CNBD1: variants seen among roughly 807,000 people sequenced by gnomAD.
CNBD1 encodes the protein cyclic nucleotide-binding domain-containing protein 1.
A neutral mutation model predicts 54.4 loss-of-function variants in CNBD1; 71 were observed. That is an observed-to-expected ratio of 1.30 (90% CI 1.08 to 1.59). The LOEUF (loss-of-function observed/expected upper bound fraction) is 1.59. Ranked by LOEUF, CNBD1 falls within the 40% of genes most tolerant of loss-of-function variation. CNBD1 has a pLI of 0.00. For synonymous variants in CNBD1, 182 were observed against 170.7 expected, an observed-to-expected ratio of 1.07 and a Z score of -0.51; for missense variants, 659 against 518.0, an observed-to-expected ratio of 1.27 and a Z score of -2.64.
chr8:87,421,341 G>T (rs1379618508), intron 2 of CNBD1, among the ~76,000 whole-genome samples: 1 of 150,858 alleles, frequency 6.6e-6, no homozygotes, highest in Admixed American at 6.6e-5. Flanking sequence ...AGTTACATAG[G>T]TATACATGTG....
intron 10 of CNBD1, among the ~76,000 whole-genome samples, chr8:87,372,372 GTATAC>G (rs972828903): frequency 6.6e-6 from 1 of 151,884 alleles, no homozygotes; most frequent in African/African-American, 2.4e-5. Flanking sequence ...GTTCTTAAAT[GTATAC>G]TTTGATGTTT....
At chr8:87,359,601 T>C (rs1370461111) in intron 10 of CNBD1, among the ~76,000 whole-genome samples, 1 of 152,164 alleles carries the variant, frequency 6.6e-6, no homozygotes, top group African/African-American at 2.4e-5. Flanking sequence ...AACAATGATA[T>C]TAATTTGCAT....
intron 6 of CNBD1, among the ~76,000 whole-genome samples, chr8:87,237,511 A>G (rs1807608464): frequency 6.6e-6 from 1 of 152,096 alleles, no homozygotes; most frequent in African/African-American, 2.4e-5. Flanking sequence ...TTGTCTCAAG[A>G]GCAATGCTAA....
intron 4 of CNBD1, among the ~76,000 whole-genome samples, chr8:87,090,017 C>A (rs570039978): frequency 2.0e-5 from 3 of 152,028 alleles, no homozygotes; most frequent in South Asian, 4.2e-4. Context: ...AAGAGTACAC[C>A]TTTATACCAT....
intron 8 of CNBD1, among the ~76,000 whole-genome samples, chr8:87,339,850 C>A (rs372612590): frequency 1.3e-5 from 2 of 152,074 alleles, no homozygotes; most frequent in African/African-American, 4.8e-5. Flanking sequence ...TATTTATTAA[C>A]GTATTTCTAT....
chr8:87,416,367 G>T (rs1807833672), intron 2 of CNBD1, among the ~76,000 whole-genome samples: 1 of 152,006 alleles, frequency 6.6e-6, no homozygotes, highest in African/African-American at 2.4e-5. Context: ...AGGCTTGCAG[G>T]AATCTGGAGA....
At chr8:87,097,661 C>T (rs1474403005) in intron 4 of CNBD1, among the ~76,000 whole-genome samples, 1 of 152,142 alleles carries the variant, frequency 6.6e-6, no homozygotes, top group Admixed American at 6.5e-5. Context: ...TTTTGTCATG[C>T]TGATTCCCTC....
At chr8:87,332,850 A>T (rs768132560) in intron 8 of CNBD1, among the ~76,000 whole-genome samples, 5 of 152,166 alleles carry the variant, frequency 3.3e-5, no homozygotes, top group Admixed American at 1.3e-4. Flanking sequence ...TGCCTTTGCT[A>T]TGCAGGCCGT....
At chr8:87,305,107 C>T (rs1482920591) in intron 8 of CNBD1, among the ~76,000 whole-genome samples, 1 of 151,940 alleles carries the variant, frequency 6.6e-6, no homozygotes, top group Non-Finnish European at 1.5e-5. Context: ...TTCTATACAC[C>T]AACAATGACT....
chr8:87,281,906 T>C lies in CNBD1; in HGVS notation c.772-2772T>C, dbSNP rs184908832. Among the ~76,000 whole-genome samples, 9 of 151,614 alleles carry C rather than the reference T, an allele frequency of 5.9e-5. No homozygotes were observed. In the East Asian group the frequency reaches 1.7e-3, roughly 29 times the overall value. ...TACAATTTTCTGTCTCCTACTGAGA[T>C]TGAGCAGGTTTCTTTTGTGTGTGAG... On this transcript the variant is annotated intron_variant, in intron 6 of 10. Transcript: ENST00000518476.
intron 10 of CNBD1, among the ~76,000 whole-genome samples, chr8:87,371,334 AT>A (rs1356167552): frequency 2.6e-5 from 4 of 151,984 alleles, no homozygotes; most frequent in Non-Finnish European, 1.5e-5. Flanking sequence ...GGCCATTTTC[AT>A]GATATTGATT....
In CNBD1 at chr8:87,375,686, A is replaced by T. The variant is rs536128786; in HGVS notation, c.1304-6934A>T. On this transcript the variant is annotated intron_variant, in intron 10 of 10. Transcript: ENST00000518476. The stretch of plus-strand genomic sequence containing the variant: ...AATGAAATTCATTATGTCTTGCAAG[A>T]CAAAACTTCCATCTCTTATTTTTAA... Among the ~76,000 whole-genome samples, 12 of 152,018 alleles carry T rather than the reference A, an allele frequency of 7.9e-5. No individual in the cohort carries two copies. In the South Asian group the frequency reaches 2.5e-3, roughly 31 times the overall value.
rs1563482951 is a variant in CNBD1, at chr8:87,137,127, ATATATAAATTATATATATATTTTTATTC to A, written c.432-68847_432-68820del. On this transcript the variant is annotated intron_variant, in intron 4 of 10. Transcript: ENST00000518476. ...AAATTATATATATTATATTTTTATT[ATATATAAATTATATATATATTTTTATTC>A]TATATAAATTATATATATTATATTT... Among the ~76,000 whole-genome samples the A allele has an allele frequency of 6.1e-4, 75 of 122,316 alleles. 1 individual carries two copies. The highest frequency in any genetic ancestry group is 2.3e-3 in the African/African-American group (63 of 27,836). 80.2% of individuals were successfully genotyped at this position (122,316 alleles called of 152,430 possible).
At chr8:87,225,330 A>C (rs1387404032) in intron 5 of CNBD1, among the ~76,000 whole-genome samples, 2 of 151,346 alleles carry the variant, frequency 1.3e-5, no homozygotes, top group Non-Finnish European at 2.9e-5. Context: ...CCAGTTTTCA[A>C]AGGGAATGCT....
chr8:87,055,809 A>T lies in CNBD1; in HGVS notation c.431+116055A>T, dbSNP rs1477470722. The stretch of plus-strand genomic sequence containing the variant: ...TCTCTGCTTCCCTTTCTTTTCATCC[A>T]TCCCTTCCTTCCTTCCCTCCCTCTC... On this transcript the variant is annotated intron_variant, in intron 4 of 10. Coordinates refer to ENST00000518476, the MANE Select transcript of CNBD1 (RefSeq NM_173538.3). 4.6e-4 allele frequency among the ~76,000 whole-genome samples: 57 copies of T among 123,330 alleles called. 1 individual carries two copies. Among genetic ancestry groups the T allele is most frequent in the African/African-American group, 1.7e-3 (55 of 31,628 alleles). The allele number at this position is 123,330 out of a possible 152,430, so 80.9% of individuals were successfully genotyped here. A position where few individuals can be genotyped will look rare whatever the true frequency, so the allele number is the denominator to read the frequency against.
intron 4 of CNBD1, among the ~76,000 whole-genome samples, chr8:87,056,358 C>A (rs1001863475): frequency 2.0e-5 from 3 of 152,142 alleles, no homozygotes; most frequent in African/African-American, 7.2e-5. Flanking sequence ...GGGCAACACA[C>A]AACTGTACAG....
intron 8 of CNBD1, among the ~76,000 whole-genome samples, chr8:87,338,023 T>G (rs551633197): frequency 4.6e-5 from 7 of 152,184 alleles, no homozygotes; most frequent in Non-Finnish European, 1.0e-4. Flanking sequence ...TTATATGATT[T>G]AATTTTTTAT....
intron 4 of CNBD1, among the ~76,000 whole-genome samples, chr8:86,978,115 G>C (rs1247949041): frequency 1.3e-5 from 2 of 152,190 alleles, no homozygotes; most frequent in Non-Finnish European, 2.9e-5. Flanking sequence ...GGAATGTACT[G>C]TATCACTCTC....
At chr8:87,120,754 G>C (rs1811873255) in intron 4 of CNBD1, among the ~76,000 whole-genome samples, 1 of 151,622 alleles carries the variant, frequency 6.6e-6, no homozygotes, top group South Asian at 2.1e-4. Flanking sequence ...TTGTTATGCT[G>C]TTTTCATTTT....
Sources: gnomAD v4.1 joint callset for allele counts (sites outside exome capture counted in the v4.1 genomes callset) on GRCh38, gnomAD v4.1.1 for gene constraint, MANE v1.5 for transcripts, NCBI Gene and HGNC (gene_info 2026-07-23, HGNC 2026-07-21) for gene names.